The following WNT4 variants were observed in gnomAD, a reference collection of about 807,000 sequenced individuals.
WNT4 encodes the protein Wnt family member 4.
Under a neutral mutation model 34.5 loss-of-function variants are expected in WNT4, and 16 were observed. The ratio of observed to expected loss-of-function variants is 0.46; its 90% CI spans 0.31 to 0.70. WNT4 has a LOEUF of 0.70. WNT4 is among the 30% of genes least tolerant of loss of function. WNT4 has a pLI of 0.04. For missense variants in WNT4, 379 were observed against 495.9 expected (o/e 0.76, Z 2.24); for synonymous variants, 200 against 211.9 (o/e 0.94, Z 0.49).
rs1331334257 is a variant in WNT4 at position 22,118,769 on chromosome 1, GC to G, written c.*1280del. ...CCCAGGCTCAGACCCAAGAAGACCTGCAGTTTCTCTACCTTTGGGTACAAGA... is the reference window on the plus strand; with the variant it reads ...CCCAGGCTCAGACCCAAGAAGACCTGAGTTTCTCTACCTTTGGGTACAAGA... On this transcript the variant is annotated 3_prime_UTR_variant, in exon 5 of 5. Transcript: ENST00000290167. The G allele has an allele frequency of 6.6e-6, 1 of 152,378 alleles. No homozygotes were observed. Among genetic ancestry groups the G allele is most frequent in the Non-Finnish European group, 1.5e-5 (1 of 68,174 alleles). 9.4% of individuals were successfully genotyped at this position (152,378 alleles called of 1,614,324 possible).
rs374514459 is a variant in WNT4, at chr1:22,128,176, TAGG to T, written c.313+1437_313+1439del. On this transcript the variant is annotated intron_variant, in intron 2 of 4. Coordinates refer to ENST00000290167, the MANE Select transcript of WNT4 (RefSeq NM_030761.5). ...TGCCTTTTTGGCCCCTGCCAGCTCT[TAGG>T]AGAATGACTTCCAAATTTCTATCAC... Among the ~76,000 whole-genome samples, 14 of 152,310 alleles carry T rather than the reference TAGG, an allele frequency of 9.2e-5. No homozygotes were observed. In the East Asian group the frequency reaches 1.7e-3, roughly 19 times the overall value.
At position 22,142,318 on chromosome 1, in the gene WNT4, T is replaced by A. The variant is rs904607876; in HGVS notation, c.77+528A>T. On this transcript the variant is annotated intron_variant, in intron 1 of 4. Coordinates refer to ENST00000290167, the MANE Select transcript of WNT4 (RefSeq NM_030761.5). The surrounding 1 kb of genome is among the most constrained non-coding windows in gnomAD (Gnocchi z 6.0). ...GAGACCAGGCGTCCTGGTCCCTTCC[T>A]TCTGTCTCCGGCTCCCGCCCCCCAA... is the stretch of plus-strand genomic sequence containing the variant. Among the ~76,000 whole-genome samples, 6 of 151,982 alleles carry A rather than the reference T, an allele frequency of 3.9e-5. No homozygotes were observed. Among genetic ancestry groups the A allele is most frequent in the Admixed American group, 6.5e-5 (1 of 15,270 alleles).
At chr1:22,135,318 CGCAGATGAGGAAACT>C (rs1646013911) in intron 1 of WNT4, among the ~76,000 whole-genome samples, 1 of 152,230 alleles carries the variant, frequency 6.6e-6, no homozygotes, top group African/African-American at 2.4e-5. Context: ...CCCTCTGTTT[CGCAGATGAGGAAACT>C]GAAGCTCAGA....
At chr1:22,122,706 A>G (rs373337277) in intron 2 of WNT4, among the ~76,000 whole-genome samples, 26 of 152,278 alleles carry the variant, frequency 1.7e-4, no homozygotes, top group Middle Eastern at 3.4e-3. Context: ...ATGGTTGGCA[A>G]TTACCTCTGT....
rs1441113715 is a variant in WNT4, at chr1:22,139,570, A to T, written c.77+3276T>A. Reference sequence around the variant, plus strand: ...ACCCCGCTACCCCACTACTTTCCTCAGAAATCCACAGTCCTGAAACCTTAG... The same window carrying T: ...ACCCCGCTACCCCACTACTTTCCTCTGAAATCCACAGTCCTGAAACCTTAG... On this transcript the variant is annotated intron_variant, in intron 1 of 4. Transcript: ENST00000290167. This position sits in a 1 kb window ranked among gnomAD's most constrained non-coding sequence, Gnocchi z 4.6. Among the ~76,000 whole-genome samples, 7 of 152,088 alleles carry T rather than the reference A, an allele frequency of 4.6e-5. No individual in the cohort carries two copies.
In WNT4 at chr1:22,120,369, G is replaced by A. The variant is rs1645885866; in HGVS notation, c.737C>T (p.Pro246Leu). The change falls in exon 5 of 5, where the codon CCA becomes CTA. Residue 246 changes from proline to leucine, a missense_variant. Physicochemically the swap from Pro to Leu is moderately conservative, Grantham distance 98 (BLOSUM62 -3). Transcript: ENST00000290167. ...TGCCCTGGAGGAGCCCACGCGGCGT[G>A]GCTCCACCTCAGTGGCACCATCAAA... The part of the protein sequence containing the change: ...EKFDGATEVE[P>L]RRVGSSRALV... 1 of 1,614,226 alleles carries A rather than the reference G, an allele frequency of 6.2e-7. No homozygotes were observed. The highest frequency in any genetic ancestry group is 8.5e-7 in the Non-Finnish European group (1 of 1,180,048).
intron 1 of WNT4, among the ~76,000 whole-genome samples, chr1:22,133,416 C>G (rs566435465): frequency 6.6e-6 from 1 of 152,238 alleles, no homozygotes; most frequent in African/African-American, 2.4e-5. Context: ...CTCAGGATTC[C>G]CAGTGCCCTA....
Position 22,142,566 on chromosome 1 carries a change from C to A in WNT4, c.77+280G>T, listed in dbSNP as rs898499237. Among the ~76,000 whole-genome samples, 6 of 151,804 alleles carry A rather than the reference C, an allele frequency of 4.0e-5. No homozygotes were observed. Among genetic ancestry groups the A allele is most frequent in the Admixed American group, 3.3e-4 (5 of 15,252 alleles). ...CACCGCCCCGCGCTCGCACCCCTGG[C>A]GCCCTCGAGAGCCCCGAGCCGCCTA... is the stretch of plus-strand genomic sequence containing the variant. On this transcript the variant is annotated intron_variant, in intron 1 of 4. Transcript: ENST00000290167. This position sits in a 1 kb window ranked among gnomAD's most constrained non-coding sequence, Gnocchi z 6.0.
Position 22,128,457 on chromosome 1 carries a change from A to T in WNT4, c.313+1159T>A, listed in dbSNP as rs150063351. Reference sequence around the variant, plus strand: ...CCGGCGACCTCTGGAGGAGACTTCCAGTTCCATAGACCGTTCTCTATGCCC... The same window carrying T: ...CCGGCGACCTCTGGAGGAGACTTCCTGTTCCATAGACCGTTCTCTATGCCC... On this transcript the variant is annotated intron_variant, in intron 2 of 4. Transcript: ENST00000290167. 6.7e-3 allele frequency among the ~76,000 whole-genome samples: 1,020 copies of T among 152,314 alleles called. 8 individuals carry two copies. Among genetic ancestry groups the T allele is most frequent in the Middle Eastern group, 0.017 (5 of 294 alleles).
intron 4 of WNT4, among the ~76,000 whole-genome samples, 162 bp downstream of exon 4, chr1:22,121,049 C>T (rs1275902001): frequency 1.3e-5 from 2 of 152,126 alleles, no homozygotes; most frequent in Non-Finnish European, 1.5e-5. Context: ...CCTGTCTGTA[C>T]CCCCCTCTGG....
At position 22,140,208 on chromosome 1, in the gene WNT4, G is replaced by C. The variant is rs566625526; in HGVS notation, c.77+2638C>G. The C allele has an allele frequency of 2.0e-6, 2 of 985,448 alleles. No individual in the cohort carries two copies. The highest frequency in any genetic ancestry group is 1.1e-4 in the East Asian group (1 of 8,796). 61.0% of individuals were successfully genotyped at this position (985,448 alleles called of 1,614,324 possible). A position where few individuals can be genotyped will look rare whatever the true frequency, so the allele number is the denominator to read the frequency against. On this transcript the variant is annotated intron_variant, in intron 1 of 4. Transcript: ENST00000290167. This position sits in a 1 kb window ranked among gnomAD's most constrained non-coding sequence, Gnocchi z 5.9. Reference sequence around the variant, plus strand: ...CCTCCTCATACCTCACACTTGAAAAGACACAGTGCCAGCCATCATGCCTGC... The same window carrying C: ...CCTCCTCATACCTCACACTTGAAAACACACAGTGCCAGCCATCATGCCTGC...
intron 1 of WNT4, among the ~76,000 whole-genome samples, chr1:22,141,496 A>G (rs1646066974): frequency 6.6e-6 from 1 of 152,078 alleles, no homozygotes; most frequent in South Asian, 2.1e-4. Flanking sequence ...GGGCAGTGGG[A>G]GAAGGTGGTG....
chr1:22,120,502 T>G lies in WNT4; in HGVS notation c.604A>C (p.Met202Leu). Reference protein sequence around the residue: ...EAGRKAILTHMRVECKCHGVS... With the variant: ...EAGRKAILTHLRVECKCHGVS... ...CCGTGGCACTTGCATTCCACCCGCATGTGTGTCAGGATGGCCTGTGGGAGA... is the reference window on the plus strand; with the variant it reads ...CCGTGGCACTTGCATTCCACCCGCAGGTGTGTCAGGATGGCCTGTGGGAGA... Residue 202 changes from methionine (M) to leucine (L), a missense_variant, in exon 5 of 5, where the codon ATG becomes CTG. Met to Leu is a conservative substitution (Grantham distance 15). Around this residue, in one of 2 missense-constraint regions of WNT4, gnomAD observed 313 missense variants for 445.8 expected, o/e 0.70. Transcript: ENST00000290167. 1.2e-6 allele frequency: 2 copies of G among 1,612,322 alleles called. No homozygotes were observed. Among genetic ancestry groups the G allele is most frequent in the Non-Finnish European group, 1.7e-6 (2 of 1,179,602 alleles).
chr1:22,126,831 T>C (rs10917157), intron 2 of WNT4, among the ~76,000 whole-genome samples: 7,622 of 152,314 alleles, frequency 0.05, 299 homozygotes, highest in East Asian at 0.2. Flanking sequence ...GACAGCCTCA[T>C]GAGGTGGGCC....
chr1:22,140,015 G>A lies in WNT4; in HGVS notation c.77+2831C>T, dbSNP rs1182650009. On this transcript the variant is annotated intron_variant, in intron 1 of 4. Transcript: ENST00000290167. The surrounding 1 kb of genome is among the most constrained non-coding windows in gnomAD (Gnocchi z 5.9). ...ATCCTGCCCAACAGCTGCACGCGGC[G>A]GGACACCTGGCCTCCCCACCAGGCC... 6.6e-6 allele frequency among the ~76,000 whole-genome samples: 1 copy of A among 152,202 alleles called. No individual in the cohort carries two copies. Among genetic ancestry groups the A allele is most frequent in the African/African-American group, 2.4e-5 (1 of 41,456 alleles).
At chr1:22,130,440 G>A (rs1645974377) in intron 1 of WNT4, among the ~76,000 whole-genome samples, 1 of 152,254 alleles carries the variant, frequency 6.6e-6, no homozygotes, top group Admixed American at 6.5e-5. Context: ...GGGATGGTCA[G>A]GTTATGGGTG....
rs1286899522 is a variant in WNT4, at chr1:22,121,572, A to C, written c.318T>G (p.Thr106=). 14 of 1,612,910 alleles carry C rather than the reference A, an allele frequency of 8.7e-6. No individual in the cohort carries two copies. Among genetic ancestry groups the C allele is most frequent in the Non-Finnish European group, 1.2e-5 (14 of 1,179,982 alleles). The change falls in exon 3 of 5, where the codon ACT becomes ACG. Residue 106 remains threonine, a synonymous_variant. Coordinates refer to ENST00000290167, the MANE Select transcript of WNT4 (RefSeq NM_030761.5). ...PVFGKVVTQG[T]REAAFVYAIS... ...TGGCGTACACGAAGGCCGCCTCCCG[A>C]GTCCCTGTGGGAGGCAGAGGGAGGG...
chr1:22,120,348 C>G lies in WNT4; in HGVS notation c.758G>C (p.Arg253Thr). 6.2e-7 allele frequency: 1 copy of G among 1,614,234 alleles called. No individual in the cohort carries two copies. Among genetic ancestry groups the G allele is most frequent in the Non-Finnish European group, 8.5e-7 (1 of 1,180,044 alleles). ...CTGTGCGTTGCGTGGCACCAGTGCCCTGGAGGAGCCCACGCGGCGTGGCTC... is the reference window on the plus strand; with the variant it reads ...CTGTGCGTTGCGTGGCACCAGTGCCGTGGAGGAGCCCACGCGGCGTGGCTC... ...EVEPRRVGSS[R>T]ALVPRNAQFK... Residue 253 changes from arginine (R) to threonine (T), a missense_variant, in exon 5 of 5, where the codon AGG becomes ACG. Physicochemically the swap from Arg to Thr is moderately conservative, Grantham distance 71 (BLOSUM62 -1). Around this residue, in one of 2 missense-constraint regions of WNT4, gnomAD observed 313 missense variants for 445.8 expected, o/e 0.70. Coordinates refer to ENST00000290167, the MANE Select transcript of WNT4 (RefSeq NM_030761.5).
intron 2 of WNT4, among the ~76,000 whole-genome samples, chr1:22,127,934 C>T (rs1408858238): frequency 6.6e-6 from 1 of 152,138 alleles, no homozygotes; most frequent in Non-Finnish European, 1.5e-5. Context: ...GACAGCCTGC[C>T]ATATGAAACC....
Sources: gnomAD v4.1 joint callset for allele counts (sites outside exome capture counted in the v4.1 genomes callset) on GRCh38, gnomAD v4.1.1 for gene constraint, gnomAD v4.1.1 regional missense constraint, Gnocchi (gnomAD v3.1) non-coding constraint, MANE v1.5 for transcripts, NCBI Gene and HGNC (gene_info 2026-07-23, HGNC 2026-07-21) for gene names.